The following STX4 variants were observed in gnomAD, a reference collection of about 807,000 sequenced individuals.
STX4 encodes syntaxin 4.
Under a neutral mutation model 41.8 loss-of-function variants are expected in STX4, and 24 were observed. The ratio of observed to expected loss-of-function variants is 0.57; its 90% confidence interval spans 0.42 to 0.81. The LOEUF (loss-of-function observed/expected upper bound fraction) is 0.81, where lower values mean the gene tolerates loss of function less well. STX4 is among the 30% of genes least tolerant of loss of function. The pLI is 0.00. For missense variants in STX4, 316 were observed against 389.9 expected (o/e 0.81, Z 1.60); for synonymous variants, 158 against 156.4 (o/e 1.01, Z -0.08).
Position 31,039,922 on chromosome 16 carries a change from C to G in STX4, c.*26C>G. Reference sequence around the variant, plus strand: ...CTCCTTTCCTTACAGGCACTAGGAGCACCAGGAACCCAGGGCCTGGCCTTC... The same window carrying G: ...CTCCTTTCCTTACAGGCACTAGGAGGACCAGGAACCCAGGGCCTGGCCTTC... On this transcript the variant is annotated 3_prime_UTR_variant, in exon 11 of 11. Transcript: ENST00000313843. The surrounding 1 kb of genome is among the most constrained non-coding windows in gnomAD (Gnocchi z 4.1). 8.3e-7 allele frequency: 1 copy of G among 1,197,722 alleles called. No homozygotes were observed. The highest frequency in any genetic ancestry group is 1.3e-5 in the South Asian group (1 of 74,620). 74.2% of individuals were successfully genotyped at this position (1,197,722 alleles called of 1,614,324 possible). A position where few individuals can be genotyped will look rare whatever the true frequency, so the allele number is the denominator to read the frequency against.
chr16:31,038,341 G>A (rs1438603067), intron 7 of STX4, 151 bp downstream of exon 7: 2 of 1,330,498 alleles, frequency 1.5e-6, no homozygotes, highest in African/African-American at 1.5e-5. Context: ...CCCGCTTGCT[G>A]TGGCCCTTTC....
chr16:31,038,091 G>A, intron 6 of STX4, 23 bp from the exon 7 acceptor site: 1 of 1,614,176 alleles, frequency 6.2e-7, no homozygotes, highest in Middle Eastern at 1.6e-4. Flanking sequence ...ACCCAACCCT[G>A]AGCCTGGCCT....
At position 31,034,132 on chromosome 16, in the gene STX4, C is replaced by T; in HGVS notation, c.132+18C>T. On this transcript the variant is annotated intron_variant, in intron 2 of 10. Transcript: ENST00000313843. ...TCCACAAGGTAAGGGGCTGGGGTCT[C>T]CGCCTGGATTCGCGAGGGTGTAGGA... 1.2e-6 allele frequency: 2 copies of T among 1,608,042 alleles called. No homozygotes were observed. The highest frequency in any genetic ancestry group is 1.7e-6 in the Non-Finnish European group (2 of 1,175,996).
Position 31,034,038 on chromosome 16 carries a change from A to T in STX4, c.56A>T (p.Asp19Val). 1 of 1,608,012 alleles carries T rather than the reference A, an allele frequency of 6.2e-7. No individual in the cohort carries two copies. Among genetic ancestry groups the T allele is most frequent in the Non-Finnish European group, 8.5e-7 (1 of 1,176,428 alleles). ...GGGGATGACAGCTCGGACGAAGAGGACAAGGAGCGGGTCGCGCTGGTGGTG... is the reference window on the plus strand; with the variant it reads ...GGGGATGACAGCTCGGACGAAGAGGTCAAGGAGCGGGTCGCGCTGGTGGTG... The part of the protein sequence containing the change: ...RQGDDSSDEE[D>V]KERVALVVHP... The change falls in exon 2 of 11, where the codon GAC becomes GTC. Residue 19 changes from aspartate (D) to valine (V), a missense_variant. Physicochemically the swap from Asp to Val is radical, Grantham distance 152. Coordinates refer to ENST00000313843, the MANE Select transcript of STX4 (RefSeq NM_004604.5).
intron 5 of STX4, among the ~76,000 whole-genome samples, chr16:31,037,059 C>CCT (rs1250657766): frequency 4.8e-5 from 7 of 144,522 alleles, no homozygotes; most frequent in Non-Finnish European, 7.8e-5. Flanking sequence ...GTGAGACCCC[C>CCT]CCCCCTTTTT....
chr16:31,033,504 A>G (rs975103157), upstream of STX4: 3 of 1,550,512 alleles, frequency 1.9e-6, no homozygotes, highest in Admixed American at 3.9e-5. This position sits in a 1 kb window ranked among gnomAD's most constrained non-coding sequence, Gnocchi z 5.5. Flanking sequence ...AGCCTCGGGC[A>G]AGGAAGAGAC....
intron 7 of STX4, 129 bp from the exon 8 acceptor site, chr16:31,038,381 G>T: frequency 7.1e-6 from 10 of 1,413,888 alleles, no homozygotes; most frequent in Non-Finnish European, 9.8e-6. Flanking sequence ...GCCTCTAAGG[G>T]AATTAATTAG....
Position 31,039,181 on chromosome 16 carries a change from G to T in STX4, c.703-360G>T. 3.7e-6 allele frequency: 1 copy of T among 268,666 alleles called. No individual in the cohort carries two copies. The highest frequency in any genetic ancestry group is 4.6e-5 in the South Asian group (1 of 21,540). The allele number at this position is 268,666 out of a possible 1,614,324, so 16.6% of individuals were successfully genotyped here. ...CTGAGGCTGGTGGTGCCAGGAGGAG[G>T]CAGGGATAGGGAGGGCTTTGCAGCA... On this transcript the variant is annotated intron_variant, in intron 8 of 10. Transcript: ENST00000313843. This position sits in a 1 kb window ranked among gnomAD's most constrained non-coding sequence, Gnocchi z 4.1.
At chr16:31,035,475 C>T (rs1567389001) in intron 5 of STX4, among the ~76,000 whole-genome samples, 1 of 152,126 alleles carries the variant, frequency 6.6e-6, no homozygotes, top group Admixed American at 6.6e-5. Context: ...GACCCTCCTG[C>T]CTCGGCCTCC....
Position 31,039,544 on chromosome 16 carries a change from G to C in STX4, c.706G>C (p.Glu236Gln), listed in dbSNP as rs1396756615. Residue 236 changes from glutamate to glutamine, a missense_variant, in exon 9 of 11, where the codon GAG becomes CAG. Transcript: ENST00000313843. The surrounding 1 kb of genome is among the most constrained non-coding windows in gnomAD (Gnocchi z 4.1). ...FLATEVEMQG[E>Q]MINRIEKNIL... ...AACCACCCCATCCTCTGAGCAGGGG[G>C]AGATGATCAATCGGATTGAGAAGAA... 4 of 1,613,896 alleles carry C rather than the reference G, an allele frequency of 2.5e-6. No homozygotes were observed. The highest frequency in any genetic ancestry group is 3.4e-6 in the Non-Finnish European group (4 of 1,180,034).
upstream of STX4, chr16:31,033,484 C>A (rs1466319260): frequency 6.4e-7 from 1 of 1,550,508 alleles, no homozygotes; most frequent in Non-Finnish European, 8.7e-7. The surrounding 1 kb of genome is among the most constrained non-coding windows in gnomAD (Gnocchi z 5.5). Context: ...ACTTCCGACT[C>A]CACCTTCCCA....
At chr16:31,038,789 T>A in intron 8 of STX4, 142 bp downstream of exon 8, 1 of 1,119,570 alleles carries the variant, frequency 8.9e-7, no homozygotes, top group Non-Finnish European at 1.3e-6. Context: ...TTCCTATCCT[T>A]AGCTGTACCC....
In STX4 at chr16:31,034,422, G is replaced by T. The variant is rs201021466; in HGVS notation, c.233-40G>T. On this transcript the variant is annotated intron_variant, in intron 3 of 10. Coordinates refer to ENST00000313843, the MANE Select transcript of STX4 (RefSeq NM_004604.5). ...GGTGGCCAGAGTGGTTTGTTGAGGTGGGGGCTGCTGTTTGGGAGTCTTGGC... is the reference window on the plus strand; with the variant it reads ...GGTGGCCAGAGTGGTTTGTTGAGGTTGGGGCTGCTGTTTGGGAGTCTTGGC... 28 of 1,600,388 alleles carry T rather than the reference G, an allele frequency of 1.7e-5. No homozygotes were observed. In the East Asian group the frequency reaches 6.0e-4, roughly 34 times the overall value.
At chr16:31,037,460 G>A (rs1242118618) in intron 5 of STX4, among the ~76,000 whole-genome samples, 1 of 149,938 alleles carries the variant, frequency 6.7e-6, no homozygotes, top group Non-Finnish European at 1.5e-5. Flanking sequence ...AAGAGATCAA[G>A]ACCATCCTGG....
Position 31,039,367 on chromosome 16 carries a change from G to A in STX4, c.703-174G>A. 3.3e-6 allele frequency: 2 copies of A among 611,750 alleles called. No homozygotes were observed. The highest frequency in any genetic ancestry group is 1.9e-5 in the South Asian group (1 of 51,360). The allele number at this position is 611,750 out of a possible 1,614,324, so 37.9% of individuals were successfully genotyped here. On this transcript the variant is annotated intron_variant, in intron 8 of 10. Transcript: ENST00000313843. This position sits in a 1 kb window ranked among gnomAD's most constrained non-coding sequence, Gnocchi z 4.1. ...GTGAGCAGGGGACAAGGGACTACAT[G>A]ATAGAAGGGGCCTGGAAGCCATCCC...
chr16:31,037,447 G>A (rs1232285877), intron 5 of STX4, among the ~76,000 whole-genome samples: 1 of 150,500 alleles, frequency 6.6e-6, no homozygotes, highest in Non-Finnish European at 1.5e-5. Context: ...GGATCACAAG[G>A]TCAAGAGATC....
At position 31,033,613 on chromosome 16, in the gene STX4, C is replaced by G. The variant is rs1398587756; in HGVS notation, c.-193C>G. 1 of 1,491,078 alleles carries G rather than the reference C, an allele frequency of 6.7e-7. No homozygotes were observed. 92.4% of individuals were successfully genotyped at this position (1,491,078 alleles called of 1,614,324 possible). A position where few individuals can be genotyped will look rare whatever the true frequency, so the allele number is the denominator to read the frequency against. On this transcript the variant is annotated 5_prime_UTR_variant, in exon 1 of 11. Transcript: ENST00000313843. This position sits in a 1 kb window ranked among gnomAD's most constrained non-coding sequence, Gnocchi z 5.5. ...AAAAGGGAATTCCAACCTGTGGAAC[C>G]TTGGGGGGTCCCCGGGGTCGGCGCC...
upstream of STX4, chr16:31,033,267 G>C: frequency 1.4e-6 from 1 of 695,528 alleles, no homozygotes; most frequent in Non-Finnish European, 2.7e-6. This position sits in a 1 kb window ranked among gnomAD's most constrained non-coding sequence, Gnocchi z 5.5. Flanking sequence ...GTCACATTCT[G>C]CGGTCCACGA....
Position 31,033,879 on chromosome 16 carries a change from G to A in STX4, c.30+44G>A, listed in dbSNP as rs753937087. On this transcript the variant is annotated intron_variant, in intron 1 of 10. Coordinates refer to ENST00000313843, the MANE Select transcript of STX4 (RefSeq NM_004604.5). The surrounding 1 kb of genome is among the most constrained non-coding windows in gnomAD (Gnocchi z 5.5). ...GGGGATGGGGACGGGCGGACGAACT[G>A]GAACGCAGGACTTCTGGTCTTCGGG... 8.9e-6 allele frequency: 13 copies of A among 1,453,486 alleles called. No individual in the cohort carries two copies. The highest frequency in any genetic ancestry group is 8.7e-5 in the Admixed American group (3 of 34,666). 90.0% of individuals were successfully genotyped at this position (1,453,486 alleles called of 1,614,324 possible). A position where few individuals can be genotyped will look rare whatever the true frequency, so the allele number is the denominator to read the frequency against.
Sources: gnomAD v4.1 joint callset for allele counts (sites outside exome capture counted in the v4.1 genomes callset) on GRCh38, gnomAD v4.1.1 for gene constraint, Gnocchi (gnomAD v3.1) non-coding constraint, MANE v1.5 for transcripts, NCBI Gene and HGNC (gene_info 2026-07-23, HGNC 2026-07-21) for gene names.